The following MEF2D variants were observed in gnomAD, a reference collection of about 807,000 sequenced individuals.
The protein encoded by MEF2D is myocyte-specific enhancer factor 2D.
MEF2D carries 10 observed loss-of-function variants against 59.3 expected under a neutral mutation model. The observed-to-expected ratio is 0.17, with a 90% CI of 0.10 to 0.29. The LOEUF is 0.29. Among genes scored for constraint, MEF2D ranks in the 10% least tolerant of loss-of-function variants. The probability of loss-of-function intolerance (pLI) is 1.00; values close to 1 mark genes in which losing one functional copy is unlikely to be tolerated. For missense variants in MEF2D, 508 were observed against 699.4 expected, an observed-to-expected ratio of 0.73 and a Z score of 3.09; for synonymous variants, 305 against 295.0, an observed-to-expected ratio of 1.03 and a Z score of -0.35.
chr1:156,487,015 C>T (rs1203211284), intron 1 of MEF2D, among the ~76,000 whole-genome samples: 2 of 152,168 alleles, frequency 1.3e-5, no homozygotes, highest in African/African-American at 4.8e-5. Context: ...CCCTGGTATC[C>T]CAGTCCTCAA....
chr1:156,498,605 CCCCCCCTT>C (rs1325514197), intron 1 of MEF2D, among the ~76,000 whole-genome samples: 1 of 151,238 alleles, frequency 6.6e-6, no homozygotes, highest in African/African-American at 2.4e-5. Flanking sequence ...CTTCCCCCCT[CCCCCCCTT>C]CCCCCCAGAG....
chr1:156,489,250 C>T (rs980843018), intron 1 of MEF2D, among the ~76,000 whole-genome samples: 1 of 152,100 alleles, frequency 6.6e-6, no homozygotes, highest in Non-Finnish European at 1.5e-5. Flanking sequence ...CCCGCCCCTT[C>T]CCTGTGGCTG....
Position 156,468,428 on chromosome 1 carries a change from T to C in MEF2D, c.1248-129A>G. 1 of 684,944 alleles carries C rather than the reference T, an allele frequency of 1.5e-6. No individual in the cohort carries two copies. Among genetic ancestry groups the C allele is most frequent in the Non-Finnish European group, 2.4e-6 (1 of 415,766 alleles). 42.4% of individuals were successfully genotyped at this position (684,944 alleles called of 1,614,324 possible). ...GATGAGAATATGGGGGATGGGGTGTTGGGGAGAGGCAATTGGATGGAGAGT... is the reference window on the plus strand; with the variant it reads ...GATGAGAATATGGGGGATGGGGTGTCGGGGAGAGGCAATTGGATGGAGAGT... On this transcript the variant is annotated intron_variant, in intron 10 of 11. Transcript: ENST00000348159. This position sits in a 1 kb window ranked among gnomAD's most constrained non-coding sequence, Gnocchi z 4.3.
chr1:156,486,802 T>A (rs1672397849), intron 1 of MEF2D, among the ~76,000 whole-genome samples: 1 of 152,214 alleles, frequency 6.6e-6, no homozygotes, highest in Non-Finnish European at 1.5e-5. Context: ...CTATCTCCTA[T>A]AAGAAGGGAG....
At chr1:156,488,860 A>C (rs1252131325) in intron 1 of MEF2D, among the ~76,000 whole-genome samples, 2 of 152,156 alleles carry the variant, frequency 1.3e-5, no homozygotes, top group African/African-American at 4.8e-5. Flanking sequence ...ATGGAGCTGC[A>C]GGGGAATTCC....
intron 9 of MEF2D, among the ~76,000 whole-genome samples, chr1:156,474,200 T>C (rs1310198864): frequency 3.3e-5 from 5 of 152,218 alleles, no homozygotes; most frequent in Non-Finnish European, 5.9e-5. Context: ...CAGTGGCTCA[T>C]GCCTGTAATC....
At chr1:156,489,416 G>A (rs1172353719) in intron 1 of MEF2D, among the ~76,000 whole-genome samples, 1 of 152,154 alleles carries the variant, frequency 6.6e-6, no homozygotes, top group Admixed American at 6.5e-5. Context: ...GCAGAGGGGG[G>A]ACAGACACAC....
chr1:156,489,907 A>T (rs3790458), intron 1 of MEF2D, among the ~76,000 whole-genome samples: 35,192 of 152,050 alleles, frequency 0.23, 4,307 homozygotes, highest in Admixed American at 0.28. Context: ...CCTCAGGTTC[A>T]CAACCTTCCT....
chr1:156,492,299 A>G (rs1210770894), intron 1 of MEF2D, among the ~76,000 whole-genome samples: 1 of 152,224 alleles, frequency 6.6e-6, no homozygotes, highest in Non-Finnish European at 1.5e-5. Context: ...GGACAGATAT[A>G]AGACTACAGA....
At chr1:156,488,912 C>G (rs1672556217) in intron 1 of MEF2D, among the ~76,000 whole-genome samples, 1 of 152,154 alleles carries the variant, frequency 6.6e-6, no homozygotes, top group Admixed American at 6.5e-5. Flanking sequence ...TTGCTCTTGG[C>G]AGGGGAGTAC....
intron 6 of MEF2D, 101 bp from the exon 7 acceptor site, chr1:156,477,303 A>C: frequency 2.5e-4 from 253 of 1,027,784 alleles, no homozygotes; most frequent in Non-Finnish European, 3.4e-4. Context: ...GGAACCTCTC[A>C]AAGCCATGCT....
chr1:156,482,322 G>A (rs1672077175), intron 3 of MEF2D, 115 bp downstream of exon 3: 3 of 1,066,974 alleles, frequency 2.8e-6, no homozygotes, highest in Admixed American at 1.9e-5. Flanking sequence ...GGGCTACAAG[G>A]GGCATGTATA....
At chr1:156,500,046 G>A (rs946097184) in intron 1 of MEF2D, among the ~76,000 whole-genome samples, 3 of 152,122 alleles carry the variant, frequency 2.0e-5, no homozygotes, top group African/African-American at 7.2e-5. Context: ...GGCCAAGGAG[G>A]AGGGAACAGG....
At chr1:156,471,320 G>A (rs531013965) in intron 9 of MEF2D, among the ~76,000 whole-genome samples, 3 of 152,258 alleles carry the variant, frequency 2.0e-5, no homozygotes, top group African/African-American at 7.2e-5. Flanking sequence ...TAGTAGAGAC[G>A]GGGTTTTACC....
chr1:156,488,303 C>T (rs1303466871), intron 1 of MEF2D, among the ~76,000 whole-genome samples: 1 of 152,202 alleles, frequency 6.6e-6, no homozygotes, highest in Non-Finnish European at 1.5e-5. Context: ...AAAGAAACTA[C>T]AGGGCATCTG....
Position 156,482,883 on chromosome 1 carries a change from A to C in MEF2D, c.55-243T>G, listed in dbSNP as rs144099242. On this transcript the variant is annotated intron_variant, in intron 2 of 11. Transcript: ENST00000348159. The stretch of plus-strand genomic sequence containing the variant: ...AAGGGGCAGGATTCAGGTGGACAGA[A>C]CTCCACACCTCTGTGCTGGAGGCTA... Among the ~76,000 whole-genome samples the C allele has an allele frequency of 5.9e-5, 9 of 152,230 alleles. No homozygotes were observed. The East Asian group carries it at 1.2e-3, about 20-fold the overall frequency.
intron 1 of MEF2D, among the ~76,000 whole-genome samples, chr1:156,496,491 T>G (rs1452955088): frequency 6.6e-6 from 1 of 152,090 alleles, no homozygotes; most frequent in Non-Finnish European, 1.5e-5. Flanking sequence ...CAAGGCTCCT[T>G]GACTCACAAG....
intron 6 of MEF2D, 48 bp downstream of exon 6, chr1:156,479,242 G>A (rs1188785308): frequency 2.6e-6 from 4 of 1,535,842 alleles, no homozygotes; most frequent in Non-Finnish European, 3.5e-6. Flanking sequence ...TGAGGCCACT[G>A]AGCGGGCACC....
chr1:156,499,991 T>C (rs1673387168), intron 1 of MEF2D, among the ~76,000 whole-genome samples: 1 of 139,694 alleles, frequency 7.2e-6, no homozygotes, highest in Non-Finnish European at 1.6e-5. Context: ...TCCCCCCGCC[T>C]CCACCCTCCC....
Sources: gnomAD v4.1 joint callset for allele counts (sites outside exome capture counted in the v4.1 genomes callset) on GRCh38, gnomAD v4.1.1 for gene constraint, Gnocchi (gnomAD v3.1) non-coding constraint, MANE v1.5 for transcripts, NCBI Gene and HGNC (gene_info 2026-07-23, HGNC 2026-07-21) for gene names.